BBX: variants seen among roughly 807,000 people sequenced by gnomAD.
The protein encoded by BBX is BBX high mobility group box domain containing, also known as HMG box transcription factor BBX.
BBX carries 30 observed loss-of-function variants against 100.2 expected under a neutral mutation model. The ratio of observed to expected loss-of-function variants is 0.30; its 90% CI spans 0.22 to 0.41. The LOEUF (loss-of-function observed/expected upper bound fraction) is 0.41, where lower values mean the gene tolerates loss of function less well. Ranked by LOEUF, BBX falls within the 10% of genes least tolerant of loss-of-function variation. The pLI is 1.00. For synonymous variants in BBX, 376 were observed against 388.1 expected (o/e 0.97, Z 0.37); for missense variants, 1,023 against 1,129.8 (o/e 0.91, Z 1.35).
At chr3:107,605,333 A>T (rs2054350247) in intron 2 of BBX, among the ~76,000 whole-genome samples, 1 of 151,842 alleles carries the variant, frequency 6.6e-6, no homozygotes, top group South Asian at 2.1e-4. Context: ...CTTCAAAGAA[A>T]ACTAAAAGGA....
chr3:107,715,751 T>C (rs560124153), intron 4 of BBX, among the ~76,000 whole-genome samples: 1 of 152,342 alleles, frequency 6.6e-6, no homozygotes, highest in East Asian at 1.9e-4. Context: ...AAAGTGGTAC[T>C]AGGGCAGTGG....
intron 8 of BBX, among the ~76,000 whole-genome samples, chr3:107,746,061 T>A (rs1195074481): frequency 6.6e-6 from 1 of 152,154 alleles, no homozygotes; most frequent in Non-Finnish European, 1.5e-5. Context: ...CCTCCCCCTT[T>A]TTTTAGAACT....
chr3:107,571,960 T>C (rs2051401859), intron 2 of BBX, among the ~76,000 whole-genome samples: 1 of 152,256 alleles, frequency 6.6e-6, no homozygotes, highest in Non-Finnish European at 1.5e-5. Context: ...TGAGGTACCA[T>C]TGGTGCAAGT....
chr3:107,762,980 C>T (rs1477226908), intron 10 of BBX, among the ~76,000 whole-genome samples: 1 of 151,832 alleles, frequency 6.6e-6, no homozygotes, highest in African/African-American at 2.4e-5. Context: ...GTTCCATATA[C>T]AGTTATTTCA....
intron 17 of BBX, among the ~76,000 whole-genome samples, chr3:107,803,736 C>T (rs995055599): frequency 2.6e-5 from 4 of 152,146 alleles, no homozygotes; most frequent in Admixed American, 6.5e-5. Flanking sequence ...CCTTATCTCG[C>T]GTACTGCCAA....
chr3:107,580,345 GT>G (rs1174700539), intron 2 of BBX, among the ~76,000 whole-genome samples: 3 of 151,522 alleles, frequency 2.0e-5, no homozygotes, highest in African/African-American at 7.3e-5. Context: ...AAATCCACAG[GT>G]TTTTTTTGTT....
At chr3:107,543,282 A>G (rs989733408) in intron 2 of BBX, among the ~76,000 whole-genome samples, 1 of 152,360 alleles carries the variant, frequency 6.6e-6, no homozygotes, top group Non-Finnish European at 1.5e-5. Flanking sequence ...TGAGTGGCAG[A>G]GGTGGAACTG....
chr3:107,652,742 A>G (rs1360804120), intron 3 of BBX, among the ~76,000 whole-genome samples: 1 of 152,210 alleles, frequency 6.6e-6, no homozygotes, highest in Non-Finnish European at 1.5e-5. Flanking sequence ...TCCTAGGAAA[A>G]TAAATGGATC....
At chr3:107,696,968 C>T (rs2060653140) in intron 3 of BBX, among the ~76,000 whole-genome samples, 1 of 151,704 alleles carries the variant, frequency 6.6e-6, no homozygotes, top group Non-Finnish European at 1.5e-5. Flanking sequence ...TCACTGATAC[C>T]CTTTCTTCCA....
chr3:107,532,083 T>G (rs970090952), intron 2 of BBX, among the ~76,000 whole-genome samples: 2 of 151,938 alleles, frequency 1.3e-5, no homozygotes, highest in African/African-American at 4.8e-5. Context: ...TAGGCCCAGC[T>G]ACTCGGAGGC....
In BBX at chr3:107,656,610, C is replaced by T. The variant is rs191345398; in HGVS notation, c.-10+10701C>T. On this transcript the variant is annotated intron_variant, in intron 3 of 17. Transcript: ENST00000325805. ...GTTTGTGCTCTGGATCGTTATCCCT[C>T]TTTAATCTTTCTCCTGCTCTGTTCT... Among the ~76,000 whole-genome samples, 442 of 152,324 alleles carry T rather than the reference C, an allele frequency of 2.9e-3. 6 individuals are homozygous for T. The highest frequency in any genetic ancestry group is 0.025 in the Admixed American group (375 of 15,298).
At position 107,545,371 on chromosome 3, in the gene BBX, A is replaced by G. The variant is rs77929118; in HGVS notation, c.-84+18973A>G. 7.6e-3 allele frequency among the ~76,000 whole-genome samples: 1,151 copies of G among 152,348 alleles called. 11 individuals are homozygous for G. The highest frequency in any genetic ancestry group is 0.026 in the African/African-American group (1,089 of 41,570). On this transcript the variant is annotated intron_variant, in intron 2 of 17. Coordinates refer to ENST00000325805, the MANE Select transcript of BBX (RefSeq NM_001142568.3). The stretch of plus-strand genomic sequence containing the variant: ...AAAATTGGCAATCTGTGATGAGGAA[A>G]GTGGGCTCTGTGAGGACTCAAGTTA...
intron 2 of BBX, among the ~76,000 whole-genome samples, chr3:107,597,753 A>T (rs2053762836): frequency 6.6e-6 from 1 of 152,244 alleles, no homozygotes; most frequent in Admixed American, 6.5e-5. Context: ...AAGCCACCTG[A>T]GTGGCAAAAG....
intron 3 of BBX, among the ~76,000 whole-genome samples, chr3:107,655,511 A>ATTTT (rs35368803): frequency 1.2e-4 from 14 of 117,582 alleles, no homozygotes; most frequent in African/African-American, 2.3e-4. Context: ...ATGATAATTA[A>ATTTT]TTTTTTTTTT....
chr3:107,638,961 C>T (rs112161274), intron 2 of BBX, among the ~76,000 whole-genome samples: 3,368 of 151,892 alleles, frequency 0.022, 130 homozygotes, highest in African/African-American at 0.073. Flanking sequence ...TGCACTCCAG[C>T]CTGGGCAACA....
intron 13 of BBX, among the ~76,000 whole-genome samples, chr3:107,784,561 T>C (rs1454894236): frequency 1.3e-5 from 2 of 151,560 alleles, no homozygotes; most frequent in Non-Finnish European, 3.0e-5. Context: ...AACTGTCACA[T>C]CAAAAAAGAA....
At chr3:107,564,383 T>C (rs1045906201) in intron 2 of BBX, among the ~76,000 whole-genome samples, 12 of 152,244 alleles carry the variant, frequency 7.9e-5, no homozygotes, top group Non-Finnish European at 1.5e-4. Flanking sequence ...CTCATGGGGA[T>C]GTTGACAGTT....
At position 107,732,959 on chromosome 3, in the gene BBX, C is replaced by T; in HGVS notation, c.605C>T (p.Pro202Leu). The T allele has an allele frequency of 6.2e-7, 1 of 1,612,492 alleles. No homozygotes were observed. The highest frequency in any genetic ancestry group is 8.5e-7 in the Non-Finnish European group (1 of 1,179,166). Residue 202 changes from proline (P) to leucine (L), a missense_variant, in exon 7 of 18, where the codon CCT (proline) becomes CTT (leucine). Pro to Leu is a moderately conservative substitution (Grantham distance 98, BLOSUM62 -3). Transcript: ENST00000325805. ...GATTTGTTTTTGACTTATTTAGATCCTACTCAAATGGGAGGCCTGAGTATG... is the reference window on the plus strand; with the variant it reads ...GATTTGTTTTTGACTTATTTAGATCTTACTCAAATGGGAGGCCTGAGTATG... The part of the protein sequence containing the change: ...MPQLNFGMAD[P>L]TQMGGLSMLL...
intron 2 of BBX, among the ~76,000 whole-genome samples, chr3:107,582,646 G>A (rs2052370915): frequency 6.6e-6 from 1 of 151,962 alleles, no homozygotes; most frequent in Admixed American, 6.6e-5. Flanking sequence ...AAATCTGTTG[G>A]CATATAAGAA....
Sources: gnomAD v4.1 joint callset for allele counts (sites outside exome capture counted in the v4.1 genomes callset) on GRCh38, gnomAD v4.1.1 for gene constraint, MANE v1.5 for transcripts, NCBI Gene and HGNC (gene_info 2026-07-23, HGNC 2026-07-21) for gene names.